The following RORA variants were observed in gnomAD, a reference collection of about 807,000 sequenced individuals.
RORA encodes nuclear receptor ROR-alpha.
Under a neutral mutation model 69.5 loss-of-function variants are expected in RORA, and 7 were observed. The observed-to-expected ratio is 0.10, with a 90% CI of 0.06 to 0.19. The LOEUF (loss-of-function observed/expected upper bound fraction) is 0.19, where lower values mean the gene tolerates loss of function less well. Among genes scored for constraint, RORA ranks in the 10% least tolerant of loss-of-function variants. The pLI is 1.00. For missense variants in RORA, 457 were observed against 663.0 expected (o/e 0.69, Z 3.41); for synonymous variants, 261 against 240.8 (o/e 1.08, Z -0.78).
Position 60,816,175 on chromosome 15 carries a change from T to C in RORA, c.167-137489A>G, listed in dbSNP as rs202062874. ...ATATGTATTTATATACTGTAAACAG[T>C]ATATGTATTTATATACTGTAAACAG... On this transcript the variant is annotated intron_variant, in intron 1 of 10. Transcript: ENST00000335670. Among the ~76,000 whole-genome samples the C allele has an allele frequency of 1.7e-4, 8 of 46,588 alleles. No homozygotes were observed. The Admixed American group carries it at 2.4e-3, about 14-fold the overall frequency. 30.6% of individuals were successfully genotyped at this position (46,588 alleles called of 152,430 possible). A position where few individuals can be genotyped will look rare whatever the true frequency, so the allele number is the denominator to read the frequency against.
At chr15:61,186,640 CAAAAAAAAAAAAAAA>C (rs58380679) in intron 1 of RORA, among the ~76,000 whole-genome samples, 20 of 67,620 alleles carry the variant, frequency 3.0e-4, no homozygotes, top group South Asian at 8.6e-4. Context: ...GACCCTGACT[CAAAAAAAAAAAAAAA>C]AAAAAAAAAA....
intron 1 of RORA, among the ~76,000 whole-genome samples, chr15:60,724,330 T>C (rs1359901322): frequency 1.3e-5 from 2 of 152,244 alleles, no homozygotes; most frequent in Non-Finnish European, 1.5e-5. Context: ...TCTTGTTTAT[T>C]CTTTATAATA....
chr15:60,654,821 G>A (rs1473427335), intron 2 of RORA, among the ~76,000 whole-genome samples: 1 of 152,158 alleles, frequency 6.6e-6, no homozygotes, highest in Admixed American at 6.5e-5. Context: ...ATGAGACAAG[G>A]AATCCAGGTA....
chr15:60,588,299 CT>C (rs1252829162), intron 2 of RORA, among the ~76,000 whole-genome samples: 1 of 152,080 alleles, frequency 6.6e-6, no homozygotes, highest in Non-Finnish European at 1.5e-5. Context: ...CTAATAAGTG[CT>C]GTAAATAGTA....
chr15:61,193,479 G>A lies in RORA; in HGVS notation c.166+35574C>T, dbSNP rs573876187. Among the ~76,000 whole-genome samples the A allele has an allele frequency of 2.6e-5, 4 of 152,250 alleles. No homozygotes were observed. The South Asian group carries it at 6.2e-4, about 24-fold the overall frequency. On this transcript the variant is annotated intron_variant, in intron 1 of 10. Transcript: ENST00000335670. ...CTCTTGCTGTAGAGGAACTGCCTGT[G>A]AATAGAGAAAAGCCAACACAGGAAC...
chr15:60,590,456 T>C (rs2068466922), intron 2 of RORA, among the ~76,000 whole-genome samples: 1 of 152,192 alleles, frequency 6.6e-6, no homozygotes, highest in African/African-American at 2.4e-5. Flanking sequence ...TTTCCTTTTT[T>C]TTGGTGGGTC....
chr15:60,673,219 A>G (rs895590595), intron 2 of RORA, among the ~76,000 whole-genome samples: 3 of 152,218 alleles, frequency 2.0e-5, no homozygotes, highest in Non-Finnish European at 4.4e-5. Context: ...TCAGGTAACT[A>G]TTCAGTTTTT....
chr15:60,526,641 A>T lies in RORA; in HGVS notation c.282+5125T>A, dbSNP rs145760727. On this transcript the variant is annotated intron_variant, in intron 3 of 10. Coordinates refer to ENST00000335670, the MANE Select transcript of RORA (RefSeq NM_134261.3). ...GAACCGAAACTCAGGCATCGTAAGG[A>T]TGCAATAACAGCTTGTCCTCCCCCA... 2.0e-3 allele frequency among the ~76,000 whole-genome samples: 306 copies of T among 152,340 alleles called. 1 individual carries two copies. The highest frequency in any genetic ancestry group is 6.1e-3 in the African/African-American group (253 of 41,566).
At chr15:60,625,941 C>A (rs569006350) in intron 2 of RORA, among the ~76,000 whole-genome samples, 1 of 152,276 alleles carries the variant, frequency 6.6e-6, no homozygotes, top group South Asian at 2.1e-4. Context: ...GATTAAACAA[C>A]AAAGTGAAAA....
chr15:61,104,309 C>T (rs768078700), intron 1 of RORA, among the ~76,000 whole-genome samples: 2 of 152,196 alleles, frequency 1.3e-5, no homozygotes, highest in Admixed American at 6.5e-5. Context: ...GCCCCTCAGC[C>T]GGTAGGCTCT....
intron 1 of RORA, among the ~76,000 whole-genome samples, chr15:60,782,034 G>A (rs2072268999): frequency 6.6e-6 from 1 of 152,212 alleles, no homozygotes; most frequent in South Asian, 2.1e-4. Context: ...AGACCATCCT[G>A]GCCAAAATGG....
intron 1 of RORA, among the ~76,000 whole-genome samples, chr15:60,875,342 C>A (rs576958375): frequency 6.6e-6 from 1 of 152,162 alleles, no homozygotes; most frequent in Non-Finnish European, 1.5e-5. Context: ...GTATAATCTA[C>A]CCCCCTAAAA....
intron 2 of RORA, among the ~76,000 whole-genome samples, chr15:60,540,578 A>ACCCCCC (rs2066841039): frequency 2.2e-5 from 1 of 45,160 alleles, no homozygotes; most frequent in African/African-American, 5.2e-5. Context: ...CCCCCCCCCA[A>ACCCCCC]AACTGTGCGG....
chr15:60,606,793 A>G (rs2068956097), intron 2 of RORA, among the ~76,000 whole-genome samples: 1 of 151,904 alleles, frequency 6.6e-6, no homozygotes, highest in Non-Finnish European at 1.5e-5. Context: ...AATTGCTATA[A>G]TACTTTTCAA....
At chr15:61,057,289 A>G (rs2078109663) in intron 1 of RORA, among the ~76,000 whole-genome samples, 1 of 152,246 alleles carries the variant, frequency 6.6e-6, no homozygotes, top group Non-Finnish European at 1.5e-5. Flanking sequence ...ATATTCTAGT[A>G]TAAAAGAGAA....
intron 3 of RORA, among the ~76,000 whole-genome samples, chr15:60,518,681 T>C (rs781469510): frequency 1.3e-5 from 2 of 152,228 alleles, no homozygotes; most frequent in Non-Finnish European, 2.9e-5. Context: ...TAGCGCCGTC[T>C]GTAATGATTC....
intron 3 of RORA, among the ~76,000 whole-genome samples, chr15:60,516,670 G>T (rs1479207435): frequency 6.6e-6 from 1 of 151,950 alleles, no homozygotes; most frequent in Non-Finnish European, 1.5e-5. Context: ...TTTGGCAGTT[G>T]TATCAAAAAT....
chr15:61,211,655 A>G (rs1325523409), intron 1 of RORA, among the ~76,000 whole-genome samples: 1 of 152,240 alleles, frequency 6.6e-6, no homozygotes, highest in Non-Finnish European at 1.5e-5. Context: ...CGAAAACAAC[A>G]GGGAGCTCAG....
intron 1 of RORA, among the ~76,000 whole-genome samples, chr15:60,689,045 C>G (rs2070785806): frequency 6.6e-6 from 1 of 152,184 alleles, no homozygotes; most frequent in African/African-American, 2.4e-5. Context: ...AAGAGGATGA[C>G]CTCTGGAGTC....
Sources: allele counts gnomAD v4.1 joint callset (sites outside exome capture counted in the v4.1 genomes callset), GRCh38; gene constraint gnomAD v4.1.1; transcripts MANE v1.5; gene names NCBI Gene and HGNC (gene_info 2026-07-23, HGNC 2026-07-21).